The following HTATSF1 variants were observed in gnomAD, a reference collection of about 807,000 sequenced individuals.
HTATSF1 encodes 17S U2 SnRNP complex component HTATSF1.
Under a neutral mutation model 46.1 loss-of-function variants are expected in HTATSF1, and 6 were observed. That is an observed-to-expected ratio of 0.13 (90% CI 0.07 to 0.26). The LOEUF is 0.26. Among genes scored for constraint, HTATSF1 ranks in the 10% least tolerant of loss-of-function variants. The pLI, the probability that HTATSF1 is intolerant of heterozygous loss-of-function variation, is 1.00. For synonymous variants in HTATSF1, 226 were observed against 211.5 expected, an observed-to-expected ratio of 1.07 and a Z score of -0.60; for missense variants, 452 against 559.9, an observed-to-expected ratio of 0.81 and a Z score of 1.94.
intron 4 of HTATSF1, among the ~76,000 whole-genome samples, chrX:136,501,845 A>G (rs1318410947): frequency 1.8e-5 from 2 of 111,828 alleles, no homozygotes; most frequent in African/African-American, 6.5e-5. Flanking sequence ...TTCAAATGTA[A>G]GGAGATTTGA....
At position 136,510,971 on chromosome X, in the gene HTATSF1, C is replaced by G. The variant is rs1237629738; in HGVS notation, c.1226C>G (p.Ser409Cys). 5 of 1,209,643 alleles carry G rather than the reference C, an allele frequency of 4.1e-6. No individual in the cohort carries two copies. The highest frequency in any genetic ancestry group is 5.6e-6 in the Non-Finnish European group (5 of 895,072). Residue 409 changes from serine to cysteine, a missense_variant, in exon 9 of 9, where the codon TCT becomes TGT. Around this residue, in one of 3 missense-constraint regions of HTATSF1, gnomAD observed 246 missense variants for 245.3 expected, o/e 1.00. Coordinates refer to ENST00000218364, the MANE Select transcript of HTATSF1 (RefSeq NM_014500.5). ...CATTTTTCAGAGCACCCCAGCACAT[C>G]TAAAATGAATGCTCAAGAAACTGCA... Reference protein sequence around the residue: ...ARHFSEHPSTSKMNAQETATG... With the variant: ...ARHFSEHPSTCKMNAQETATG...
chrX:136,504,597 G>A (rs1356478566), intron 6 of HTATSF1, 134 bp downstream of exon 6: 7 of 444,378 alleles, frequency 1.6e-5, no homozygotes, highest in Non-Finnish European at 2.7e-5. Context: ...AAGGAAGATG[G>A]AGCCAAGAAG....
intron 2 of HTATSF1, 88 bp downstream of exon 2, chrX:136,499,866 AGCTTT>A: frequency 1.4e-6 from 1 of 700,445 alleles, no homozygotes; most frequent in Non-Finnish European, 2.1e-6. Flanking sequence ...GAATTATAAT[AGCTTT>A]GAAGGAATAA....
chrX:136,510,052 A>G (rs2075760085), intron 7 of HTATSF1, 30 bp from the exon 8 acceptor site: 2 of 1,175,860 alleles, frequency 1.7e-6, no homozygotes, highest in South Asian at 3.8e-5. Flanking sequence ...CTTATCATTC[A>G]TTCCTTTTTT....
At chrX:136,500,297 G>A in intron 3 of HTATSF1, 92 bp downstream of exon 3, 1 of 611,752 alleles carries the variant, frequency 1.6e-6, no homozygotes, top group Admixed American at 3.1e-5. Context: ...TTTCTCCAGA[G>A]TCCATTTTTT....
chrX:136,509,209 C>T, intron 7 of HTATSF1, 29 bp downstream of exon 7: 1 of 1,004,965 alleles, frequency 1.0e-6, no homozygotes, highest in Non-Finnish European at 1.4e-6. Context: ...CATATGGATC[C>T]TAAAGCAATA....
chrX:136,503,025 A>G (rs1603306171), intron 5 of HTATSF1, 84 bp downstream of exon 5: 1 of 591,248 alleles, frequency 1.7e-6, no homozygotes, highest in East Asian at 3.9e-5. Context: ...TATTCTGTCA[A>G]GTGTGCCTAC....
Position 136,500,879 on chromosome X carries a change from A to G in HTATSF1, c.570+61A>G. 5 of 805,018 alleles carry G rather than the reference A, an allele frequency of 6.2e-6. No individual in the cohort carries two copies. In the East Asian group the frequency reaches 1.4e-4, roughly 23 times the overall value. 66.3% of individuals were successfully genotyped at this position (805,018 alleles called of 1,213,427 possible). On this transcript the variant is annotated intron_variant, in intron 4 of 8. Transcript: ENST00000218364. ...CGTTTTTAACTCAGGAACCAGGGCTATAATTTCTATAGATGATAACCAACA... is the reference window on the plus strand; with the variant it reads ...CGTTTTTAACTCAGGAACCAGGGCTGTAATTTCTATAGATGATAACCAACA...
At chrX:136,497,985 A>G in intron 1 of HTATSF1, 115 bp downstream of exon 1, 1 of 464,293 alleles carries the variant, frequency 2.2e-6, no homozygotes, top group East Asian at 4.0e-5. Flanking sequence ...GCCCCCTTGA[A>G]TAGCGACGCT....
intron 6 of HTATSF1, 149 bp downstream of exon 6, chrX:136,504,612 T>A: frequency 2.3e-6 from 1 of 432,779 alleles, no homozygotes; most frequent in Non-Finnish European, 4.1e-6. Flanking sequence ...AAGAAGCTAC[T>A]TAAGTCTTTT....
At position 136,509,099 on chromosome X, in the gene HTATSF1, G is replaced by A. The variant is rs752281014; in HGVS notation, c.843G>A (p.Pro281=). The change falls in exon 7 of 9, where the codon CCG becomes CCA. Residue 281 remains proline, a synonymous_variant. Transcript: ENST00000218364. ...MFHPMDFEDD[P]LVLNEIREDL... ...TCATGCATATTTTTCAGGATGATCC[G>A]TTGGTGCTGAATGAGATCAGAGAAG... is the stretch of plus-strand genomic sequence containing the variant. The A allele has an allele frequency of 2.4e-5, 29 of 1,200,928 alleles. 1 individual carries two copies. Among genetic ancestry groups the A allele is most frequent in the South Asian group, 1.8e-4 (10 of 56,514 alleles).
intron 6 of HTATSF1, among the ~76,000 whole-genome samples, chrX:136,508,195 C>T (rs766708592): frequency 2.5e-4 from 28 of 112,169 alleles, no homozygotes; most frequent in Non-Finnish European, 4.7e-4. Context: ...AAAATGAAAG[C>T]GTGTAAGAAA....
chrX:136,503,902 ACT>A (rs773598709), intron 5 of HTATSF1, among the ~76,000 whole-genome samples: 1 of 110,851 alleles, frequency 9.0e-6, no homozygotes, highest in South Asian at 3.8e-4. Context: ...CAAGAGTCTC[ACT>A]CTGTCACACA....
chrX:136,511,746 T>C lies in HTATSF1; in HGVS notation c.2001T>C (p.Asp667=), dbSNP rs2075769534. The part of the protein sequence containing the change: ...EAADKKAEEG[D]ADEKLFEESD... ...CTGATAAAAAGGCGGAAGAAGGTGA[T>C]GCAGATGAAAAGCTGTTTGAAGAGT... Residue 667 remains aspartate, a synonymous_variant, in exon 9 of 9, where the codon GAT becomes GAC. Coordinates refer to ENST00000218364, the MANE Select transcript of HTATSF1 (RefSeq NM_014500.5). The C allele has an allele frequency of 2.5e-6, 3 of 1,211,849 alleles. No homozygotes were observed. The highest frequency in any genetic ancestry group is 3.4e-6 in the Non-Finnish European group (3 of 895,506).
At chrX:136,508,666 T>C (rs1218982004) in intron 6 of HTATSF1, among the ~76,000 whole-genome samples, 1 of 112,594 alleles carries the variant, frequency 8.9e-6, no homozygotes, top group Non-Finnish European at 1.9e-5. Flanking sequence ...AAAAGGGATA[T>C]ATTGCTCTCT....
intron 6 of HTATSF1, 109 bp downstream of exon 6, chrX:136,504,572 G>A: frequency 4.0e-6 from 2 of 502,452 alleles, no homozygotes; most frequent in Non-Finnish European, 6.8e-6. Context: ...CTACGTGTTT[G>A]TGCAGCGAGT....
In HTATSF1 at chrX:136,511,308, T is replaced by A. The variant is rs1204064318; in HGVS notation, c.1563T>A (p.Ser521=). 2.5e-6 allele frequency: 3 copies of A among 1,204,155 alleles called. No homozygotes were observed. The highest frequency in any genetic ancestry group is 3.5e-5 in the African/African-American group (2 of 56,516). The change falls in exon 9 of 9, where the codon TCT becomes TCA. Residue 521 remains serine (S), a synonymous_variant. Transcript: ENST00000218364. ...DCEENGLAKE[S]EDDLNKESEE... is the part of the protein sequence containing the mutation. Reference sequence around the variant, plus strand: ...AAGAGAATGGCCTTGCAAAGGAATCTGAAGATGACCTCAACAAGGAGTCTG... The same window carrying A: ...AAGAGAATGGCCTTGCAAAGGAATCAGAAGATGACCTCAACAAGGAGTCTG...
chrX:136,510,315 T>A, intron 8 of HTATSF1, 96 bp downstream of exon 8: 1 of 674,530 alleles, frequency 1.5e-6, no homozygotes, highest in Non-Finnish European at 2.1e-6. Context: ...TTAACCTATT[T>A]AATGTAACAA....
upstream of HTATSF1, chrX:136,497,500 AG>A (rs1475070371): frequency 5.8e-5 from 15 of 257,098 alleles, no homozygotes; most frequent in African/African-American, 3.3e-4. Context: ...GCGGGCAGAG[AG>A]GGGGGCGGTG....
Sources: allele counts gnomAD v4.1 joint callset (sites outside exome capture counted in the v4.1 genomes callset), GRCh38; gene constraint gnomAD v4.1.1; regional missense constraint gnomAD v4.1.1; transcripts MANE v1.5; gene names NCBI Gene and HGNC (gene_info 2026-07-23, HGNC 2026-07-21).